The following BNC2 variants were observed in gnomAD, a reference collection of about 807,000 sequenced individuals.
The protein encoded by BNC2 is basonuclin zinc finger protein 2, also known as zinc finger protein basonuclin-2.
BNC2 carries 20 observed loss-of-function variants against 76.3 expected under a neutral mutation model. The ratio of observed to expected loss-of-function variants is 0.26; its 90% CI spans 0.18 to 0.38. The LOEUF (loss-of-function observed/expected upper bound fraction) is 0.38, where lower values mean the gene tolerates loss of function less well. Among genes scored for constraint, BNC2 ranks in the 10% least tolerant of loss-of-function variants. The pLI is 1.00. For missense variants in BNC2, 1,382 were observed against 1,399.8 expected (o/e 0.99, Z 0.20); for synonymous variants, 582 against 514.8 (o/e 1.13, Z -1.77).
At chr9:16,534,216 T>C (rs933410128) in intron 5 of BNC2, among the ~76,000 whole-genome samples, 12 of 152,186 alleles carry the variant, frequency 7.9e-5, no homozygotes, top group African/African-American at 2.9e-4. Flanking sequence ...TTATCAATTA[T>C]GGTTTTCTTC....
chr9:16,713,203 G>A (rs1225474812), intron 3 of BNC2, among the ~76,000 whole-genome samples: 1 of 152,090 alleles, frequency 6.6e-6, no homozygotes, highest in African/African-American at 2.4e-5. Context: ...ATGGAAATGG[G>A]TAAAATGGGA....
chr9:16,709,315 A>G lies in BNC2; in HGVS notation c.330+18482T>C, dbSNP rs556610618. 2.8e-3 allele frequency among the ~76,000 whole-genome samples: 427 copies of G among 152,362 alleles called. 3 individuals are homozygous for G. The highest frequency in any genetic ancestry group is 9.7e-3 in the African/African-American group (402 of 41,588). ...TCAAAAGTGACACAGAAGAGAAGGA[A>G]TAACTTGAATCAGCAACCCACGCTG... On this transcript the variant is annotated intron_variant, in intron 3 of 6. Transcript: ENST00000380672.
chr9:16,572,298 G>C (rs1329267045), intron 4 of BNC2, among the ~76,000 whole-genome samples: 1 of 152,170 alleles, frequency 6.6e-6, no homozygotes, highest in Non-Finnish European at 1.5e-5. Flanking sequence ...TCTGAAGACA[G>C]AGGGAAACAG....
At chr9:16,461,855 C>T (rs1821589967) in intron 5 of BNC2, among the ~76,000 whole-genome samples, 1 of 152,226 alleles carries the variant, frequency 6.6e-6, no homozygotes, top group Non-Finnish European at 1.5e-5. Flanking sequence ...GCACCTGCCA[C>T]TGAGCTGGAA....
intron 3 of BNC2, among the ~76,000 whole-genome samples, chr9:16,718,430 T>C (rs1045850561): frequency 1.3e-5 from 2 of 152,204 alleles, no homozygotes; most frequent in African/African-American, 2.4e-5. Flanking sequence ...TAACATATTT[T>C]AAGCTCCATT....
intron 1 of BNC2, among the ~76,000 whole-genome samples, chr9:16,808,885 C>T (rs1005895093): frequency 1.3e-4 from 20 of 152,004 alleles, no homozygotes; most frequent in African/African-American, 4.3e-4. Flanking sequence ...AGGAAAAGAA[C>T]ATAAATCTCC....
At chr9:16,507,031 G>A (rs2131858758) in intron 5 of BNC2, among the ~76,000 whole-genome samples, 1 of 152,248 alleles carries the variant, frequency 6.6e-6, no homozygotes, top group Admixed American at 6.5e-5. Context: ...TGGGATTACA[G>A]GCATGAGCCA....
intron 1 of BNC2, among the ~76,000 whole-genome samples, chr9:16,811,935 T>C (rs1288486414): frequency 1.3e-5 from 2 of 152,234 alleles, no homozygotes; most frequent in African/African-American, 2.4e-5. Context: ...TATACATACC[T>C]GATTTCTTTA....
At chr9:16,438,116 T>C (rs1157992009) in intron 5 of BNC2, among the ~76,000 whole-genome samples, 2 of 152,162 alleles carry the variant, frequency 1.3e-5, no homozygotes, top group Non-Finnish European at 2.9e-5. Context: ...TATCTTTTTT[T>C]TTTGAGTGGC....
At chr9:16,514,873 G>T (rs1822842496) in intron 5 of BNC2, among the ~76,000 whole-genome samples, 1 of 152,168 alleles carries the variant, frequency 6.6e-6, no homozygotes, top group South Asian at 2.1e-4. Context: ...ATTGCTAATG[G>T]CAATCACTGG....
At chr9:16,611,058 T>C (rs1820532064) in intron 3 of BNC2, among the ~76,000 whole-genome samples, 1 of 152,148 alleles carries the variant, frequency 6.6e-6, no homozygotes, top group African/African-American at 2.4e-5. Flanking sequence ...GTTGAAGCAA[T>C]TATCCAGATC....
chr9:16,705,626 T>C (rs1823645276), intron 3 of BNC2, among the ~76,000 whole-genome samples: 1 of 152,050 alleles, frequency 6.6e-6, no homozygotes, highest in South Asian at 2.1e-4. Flanking sequence ...GGGATGCTTT[T>C]TCCTCGAGTT....
At chr9:16,516,277 G>C (rs907101323) in intron 5 of BNC2, among the ~76,000 whole-genome samples, 1 of 151,796 alleles carries the variant, frequency 6.6e-6, no homozygotes, top group South Asian at 2.1e-4. Flanking sequence ...GGCTGGTGTA[G>C]ATAACGTTCT....
intron 5 of BNC2, among the ~76,000 whole-genome samples, chr9:16,480,770 C>T (rs970689361): frequency 6.6e-6 from 1 of 152,234 alleles, no homozygotes; most frequent in African/African-American, 2.4e-5. Context: ...GACCTGCAGT[C>T]CGCCATGCCT....
chr9:16,843,922 G>A (rs1347682398), intron 1 of BNC2, among the ~76,000 whole-genome samples: 1 of 152,170 alleles, frequency 6.6e-6, no homozygotes, highest in Non-Finnish European at 1.5e-5. Flanking sequence ...ACGAGTATGT[G>A]AAATATCTGT....
In BNC2 at chr9:16,556,657, A is replaced by G. The variant is rs887245497; in HGVS notation, c.434-3892T>C. Among the ~76,000 whole-genome samples, 9 of 151,088 alleles carry G rather than the reference A, an allele frequency of 6.0e-5. 1 individual carries two copies. Among genetic ancestry groups the G allele is most frequent in the Admixed American group, 2.6e-4 (4 of 15,180 alleles). Reference sequence around the variant, plus strand: ...ATGGTGCGCGCCTGTAGTCCCAGTTACTCAGGAGGCTGAGGCAGGAGAATC... The same window carrying G: ...ATGGTGCGCGCCTGTAGTCCCAGTTGCTCAGGAGGCTGAGGCAGGAGAATC... On this transcript the variant is annotated intron_variant, in intron 4 of 6. Coordinates refer to ENST00000380672, the MANE Select transcript of BNC2 (RefSeq NM_017637.6).
intron 1 of BNC2, among the ~76,000 whole-genome samples, chr9:16,837,249 T>C (rs1444472982): frequency 6.6e-6 from 1 of 152,230 alleles, no homozygotes; most frequent in East Asian, 1.9e-4. Context: ...CTCATGCCTG[T>C]AATCCCAGCA....
rs368684874 is a variant in BNC2, at chr9:16,611,598, GAAC to G, written c.331-28516_331-28514del. On this transcript the variant is annotated intron_variant, in intron 3 of 6. Transcript: ENST00000380672. ...GCTATTGTTTAAATGATTGCATAAA[GAAC>G]AACAACAAAAAAATTCAAGGTAAAA... Among the ~76,000 whole-genome samples the G allele has an allele frequency of 1.7e-3, 263 of 151,854 alleles. 2 individuals carry two copies. Among genetic ancestry groups the G allele is most frequent in the African/African-American group, 6.0e-3 (247 of 41,450 alleles).
intron 4 of BNC2, among the ~76,000 whole-genome samples, chr9:16,571,979 A>C (rs1819337896): frequency 1.3e-5 from 2 of 152,158 alleles, no homozygotes; most frequent in African/African-American, 4.8e-5. Flanking sequence ...TCCCTAGCCA[A>C]GTTCTCCAAG....
Sources: gnomAD v4.1 joint callset for allele counts (sites outside exome capture counted in the v4.1 genomes callset) on GRCh38, gnomAD v4.1.1 for gene constraint, MANE v1.5 for transcripts, NCBI Gene and HGNC (gene_info 2026-07-23, HGNC 2026-07-21) for gene names.